KCNIP1: variants seen among roughly 807,000 people sequenced by gnomAD.
The protein encoded by KCNIP1 is A-type potassium channel modulatory protein KCNIP1.
A neutral mutation model predicts 33.0 loss-of-function variants in KCNIP1; 18 were observed. The ratio of observed to expected loss-of-function variants is 0.55; its 90% CI spans 0.38 to 0.81. KCNIP1 has a LOEUF of 0.81. Among genes scored for constraint, KCNIP1 ranks in the 30% least tolerant of loss-of-function variants. KCNIP1 has a pLI of 0.00. For synonymous variants in KCNIP1, 93 were observed against 98.3 expected (o/e 0.95, Z 0.32); for missense variants, 238 against 271.6 (o/e 0.88, Z 0.87).
chr5:170,564,476 G>A (rs372044704), intron 1 of KCNIP1, among the ~76,000 whole-genome samples: 5 of 152,178 alleles, frequency 3.3e-5, no homozygotes, highest in East Asian at 1.9e-4. Context: ...GGCACTGACC[G>A]TGGCATTGCC....
intron 1 of KCNIP1, among the ~76,000 whole-genome samples, chr5:170,703,373 C>T (rs1384525213): frequency 7.3e-6 from 1 of 137,796 alleles, no homozygotes; most frequent in Non-Finnish European, 1.5e-5. Flanking sequence ...TAATTGTTGC[C>T]GTGTGGGAAT....
In KCNIP1 at chr5:170,467,564, A is replaced by G. The variant is rs115615468; in HGVS notation, c.88+113600A>G. On this transcript the variant is annotated intron_variant, in intron 1 of 7. Coordinates refer to the KCNIP1 transcript ENST00000377360. ...CCCCATCCACGCTCAGGTTCTTAGA[A>G]TGAGGAAGATGACATTGGCAGGACC... Among the ~76,000 whole-genome samples, 594 of 152,260 alleles carry G rather than the reference A, an allele frequency of 3.9e-3. 3 individuals carry two copies. Among genetic ancestry groups the G allele is most frequent in the African/African-American group, 0.014 (568 of 41,544 alleles).
chr5:170,449,832 AGC>A (rs1756203850), intron 1 of KCNIP1, among the ~76,000 whole-genome samples: 1 of 152,046 alleles, frequency 6.6e-6, no homozygotes, highest in Non-Finnish European at 1.5e-5. Context: ...GATAACTAGA[AGC>A]AGTCATATAG....
chr5:170,559,219 A>G (rs1317805555), intron 1 of KCNIP1, among the ~76,000 whole-genome samples: 1 of 152,244 alleles, frequency 6.6e-6, no homozygotes, highest in Non-Finnish European at 1.5e-5. Context: ...AGGTAAAGAT[A>G]AATGCATTTT....
At chr5:170,519,813 C>G (rs1270681359) in intron 1 of KCNIP1, among the ~76,000 whole-genome samples, 5 of 152,080 alleles carry the variant, frequency 3.3e-5, no homozygotes, top group Non-Finnish European at 5.9e-5. Context: ...CAGCGGCTGC[C>G]TGCCCATAGC....
intron 1 of KCNIP1, among the ~76,000 whole-genome samples, chr5:170,670,300 A>C (rs1761864929): frequency 6.6e-6 from 1 of 152,174 alleles, no homozygotes; most frequent in Non-Finnish European, 1.5e-5. Context: ...TTGTTGGATG[A>C]AGTTGAAAGA....
In KCNIP1 at chr5:170,566,029, GTATTAT is replaced by G. The variant is rs574818051; in HGVS notation, c.61+61407_61+61412del. ...TTGTCTTTTAATTTCTGAACTATCT[GTATTAT>G]TATTATTATTTTAGATGGAGTCTCA... On this transcript the variant is annotated intron_variant, in intron 1 of 7. Coordinates refer to ENST00000328939, the MANE Select transcript of KCNIP1 (RefSeq NM_014592.4). Among the ~76,000 whole-genome samples, 4 of 152,136 alleles carry G rather than the reference GTATTAT, an allele frequency of 2.6e-5. No individual in the cohort carries two copies. In the South Asian group the frequency reaches 8.3e-4, roughly 32 times the overall value.
intron 1 of KCNIP1, among the ~76,000 whole-genome samples, chr5:170,553,696 C>T (rs944262121): frequency 2.0e-5 from 3 of 152,234 alleles, no homozygotes; most frequent in African/African-American, 7.2e-5. Flanking sequence ...TTCCTAGCTG[C>T]AATTCCTTAC....
chr5:170,601,321 G>A (rs1293269542), intron 1 of KCNIP1, among the ~76,000 whole-genome samples: 1 of 152,176 alleles, frequency 6.6e-6, no homozygotes, highest in East Asian at 1.9e-4. Context: ...CAATGGATCG[G>A]AACCACAGTC....
intron 1 of KCNIP1, among the ~76,000 whole-genome samples, chr5:170,509,409 A>C (rs1754848140): frequency 6.6e-6 from 1 of 152,226 alleles, no homozygotes; most frequent in African/African-American, 2.4e-5. Context: ...TACTGCCTAA[A>C]ATCAGTGGGA....
At chr5:170,391,121 T>G (rs182600751) in intron 1 of KCNIP1, among the ~76,000 whole-genome samples, 82 of 152,252 alleles carry the variant, frequency 5.4e-4, no homozygotes, top group Non-Finnish European at 1.0e-3. Flanking sequence ...GATCTGGAAT[T>G]CAATCTCAGA....
In KCNIP1 at chr5:170,573,803, G is replaced by A. The variant is rs144189198; in HGVS notation, c.61+69170G>A. On this transcript the variant is annotated intron_variant, in intron 1 of 7. Coordinates refer to ENST00000328939, the MANE Select transcript of KCNIP1 (RefSeq NM_014592.4). ...AGTGGAGTTGAGTCATTGGAACAGA[G>A]ACCTTATGGCCCATAGAGCCATAAA... is the stretch of plus-strand genomic sequence containing the variant. 7.0e-4 allele frequency among the ~76,000 whole-genome samples: 106 copies of A among 152,322 alleles called. 1 individual carries two copies. The highest frequency in any genetic ancestry group is 1.3e-3 in the Non-Finnish European group (87 of 68,034).
rs145398399 is a variant in KCNIP1 at position 170,545,758 on chromosome 5, T to C, written c.61+41125T>C. ...TGTTTTTGTTCATTTTGCCCATCTTTTTCTCTATTCTCTTTAACAGAATAA... is the reference window on the plus strand; with the variant it reads ...TGTTTTTGTTCATTTTGCCCATCTTCTTCTCTATTCTCTTTAACAGAATAA... On this transcript the variant is annotated intron_variant, in intron 1 of 7. Transcript: ENST00000328939. Among the ~76,000 whole-genome samples the C allele has an allele frequency of 9.1e-3, 1,393 of 152,310 alleles. 25 individuals are homozygous for C. The highest frequency in any genetic ancestry group is 0.032 in the African/African-American group (1,335 of 41,556).
At position 170,410,297 on chromosome 5, in the gene KCNIP1, A is replaced by G. The variant is rs1376846378; in HGVS notation, c.88+56333A>G. Among the ~76,000 whole-genome samples the G allele has an allele frequency of 2.7e-5, 3 of 112,856 alleles. No homozygotes were observed. The East Asian group carries it at 6.6e-4, about 25-fold the overall frequency. 74.0% of individuals were successfully genotyped at this position (112,856 alleles called of 152,430 possible). Reference sequence around the variant, plus strand: ...ACAGTGAAGGTGTACCAGGTCCCCCACTCAGGAGATCGCAGACACAGTGAA... The same window carrying G: ...ACAGTGAAGGTGTACCAGGTCCCCCGCTCAGGAGATCGCAGACACAGTGAA... On this transcript the variant is annotated intron_variant, in intron 1 of 7. Coordinates refer to the KCNIP1 transcript ENST00000377360.
At chr5:170,543,864 A>C (rs1312977464) in intron 1 of KCNIP1, among the ~76,000 whole-genome samples, 4 of 152,188 alleles carry the variant, frequency 2.6e-5, no homozygotes, top group Non-Finnish European at 5.9e-5. Flanking sequence ...TTTCCTCTTC[A>C]TCAATTTCCT....
chr5:170,547,956 C>T (rs930681771), intron 1 of KCNIP1, among the ~76,000 whole-genome samples: 4 of 152,160 alleles, frequency 2.6e-5, no homozygotes, highest in Non-Finnish European at 5.9e-5. Context: ...CGCTGTCTTC[C>T]ACAATGTTTG....
At chr5:170,360,580 G>A (rs559357558) in intron 1 of KCNIP1, among the ~76,000 whole-genome samples, 2 of 152,202 alleles carry the variant, frequency 1.3e-5, no homozygotes, top group African/African-American at 4.8e-5. Flanking sequence ...GCCTCTGTGG[G>A]TCAAGTCCTC....
At chr5:170,633,743 GGC>G (rs1177026409) in intron 1 of KCNIP1, among the ~76,000 whole-genome samples, 2 of 32,258 alleles carry the variant, frequency 6.2e-5, no homozygotes, top group Non-Finnish European at 1.5e-4. Context: ...CGGAGGGGGG[GGC>G]GGGGGGCGGG....
At chr5:170,433,729 T>C (rs970585674) in intron 1 of KCNIP1, among the ~76,000 whole-genome samples, 3 of 152,244 alleles carry the variant, frequency 2.0e-5, no homozygotes, top group African/African-American at 4.8e-5. Flanking sequence ...CTGCCTCTGT[T>C]GAGGGCTTGC....
Sources: gnomAD v4.1 joint callset for allele counts (sites outside exome capture counted in the v4.1 genomes callset) on GRCh38, gnomAD v4.1.1 for gene constraint, MANE v1.5 for transcripts, NCBI Gene and HGNC (gene_info 2026-07-23, HGNC 2026-07-21) for gene names.